MYL4: variants seen among roughly 807,000 people sequenced by gnomAD.
MYL4 encodes the protein atrial myosin light chain 1.
MYL4 carries 16 observed loss-of-function variants against 21.6 expected under a neutral mutation model. The ratio of observed to expected loss-of-function variants is 0.74; its 90% confidence interval spans 0.50 to 1.12. MYL4 has a LOEUF of 1.12. MYL4 is among the 50% of genes most tolerant of loss of function. The pLI is 0.00. For missense variants in MYL4, 249 were observed against 252.9 expected (o/e 0.98, Z 0.11); for synonymous variants, 82 against 95.7 (o/e 0.86, Z 0.83).
At chr17:47,220,554 C>T (rs1219258085) in intron 3 of MYL4, among the ~76,000 whole-genome samples, 1 of 152,218 alleles carries the variant, frequency 6.6e-6, no homozygotes, top group Non-Finnish European at 1.5e-5. Context: ...GCTCTACGTG[C>T]TGCCTCTTTC....
upstream of MYL4, chr17:47,209,251 C>G: frequency 2.4e-6 from 2 of 821,064 alleles, no homozygotes; most frequent in East Asian, 2.5e-5. Flanking sequence ...GGCGTTTCTT[C>G]CTTTTATAGT....
At chr17:47,198,426 G>C (rs1334078383), upstream of MYL4, among the ~76,000 whole-genome samples, 2 of 151,720 alleles carry the variant, frequency 1.3e-5, no homozygotes, top group African/African-American at 4.8e-5. Flanking sequence ...ATAGCATCTG[G>C]AGTGGATGCC....
the MYL4 span, among the ~76,000 whole-genome samples, chr17:47,190,960 A>G: frequency 6.6e-6 from 1 of 152,212 alleles, no homozygotes; most frequent in South Asian, 2.1e-4. Flanking sequence ...TCACATGTCT[A>G]GGGTGTCAGT....
the MYL4 span, among the ~76,000 whole-genome samples, chr17:47,193,268 TTTTG>T: frequency 5.8e-4 from 88 of 151,702 alleles, no homozygotes; most frequent in Non-Finnish European, 8.1e-4. Flanking sequence ...ACTGCTCTGT[TTTTG>T]TTTGTTTGTT....
chr17:47,202,049 G>A (rs893854434), intron 1 of MYL4, among the ~76,000 whole-genome samples: 12 of 152,016 alleles, frequency 7.9e-5, no homozygotes, highest in African/African-American at 2.2e-4. Flanking sequence ...GCAGTGGCTC[G>A]ATCTCGGCTC....
chr17:47,201,104 A>G (rs774082380), intron 1 of MYL4, among the ~76,000 whole-genome samples: 57 of 152,324 alleles, frequency 3.7e-4, no homozygotes, highest in Non-Finnish European at 6.8e-4. Context: ...CTAGGGAGGC[A>G]GAGGTTGCAG....
downstream of MYL4, among the ~76,000 whole-genome samples, chr17:47,226,499 C>T (rs895857895): frequency 6.6e-6 from 1 of 152,202 alleles, no homozygotes; most frequent in Non-Finnish European, 1.5e-5. Context: ...CAGACATGGC[C>T]CCTGTCCTCA....
At chr17:47,209,931 C>A (rs2064761159) in intron 1 of MYL4, among the ~76,000 whole-genome samples, 1 of 152,244 alleles carries the variant, frequency 6.6e-6, no homozygotes. Flanking sequence ...AGTGGGATAT[C>A]TTTATGGAGA....
chr17:47,199,823 C>T (rs1275990958), upstream of MYL4, among the ~76,000 whole-genome samples: 1 of 145,580 alleles, frequency 6.9e-6, no homozygotes, highest in Non-Finnish European at 1.5e-5. Context: ...GCAACCTCTG[C>T]TTCCTGGGTT....
upstream of MYL4, among the ~76,000 whole-genome samples, chr17:47,199,960 C>T (rs775768808): frequency 5.3e-5 from 8 of 150,984 alleles, no homozygotes; most frequent in African/African-American, 9.8e-5. Flanking sequence ...AGGCAGGTCT[C>T]GAATTCCTGG....
intron 2 of MYL4, among the ~76,000 whole-genome samples, chr17:47,219,404 T>C (rs2064837418): frequency 6.6e-6 from 1 of 152,242 alleles, no homozygotes; most frequent in African/African-American, 2.4e-5. Flanking sequence ...TCCTCACTTC[T>C]GGGCCAGTGC....
intron 1 of MYL4, among the ~76,000 whole-genome samples, chr17:47,210,655 C>T (rs967510629): frequency 2.0e-5 from 3 of 152,154 alleles, no homozygotes; most frequent in East Asian, 3.9e-4. Flanking sequence ...TCCCTGCCCT[C>T]TGAGAATTCC....
the MYL4 span, chr17:47,189,513 A>C: frequency 2.6e-6 from 1 of 389,918 alleles, no homozygotes. Context: ...CACGCACACC[A>C]CGCCCAATCG....
chr17:47,218,642 A>C (rs544238355), intron 2 of MYL4, among the ~76,000 whole-genome samples: 1 of 152,136 alleles, frequency 6.6e-6, no homozygotes, highest in South Asian at 2.1e-4. Context: ...AAAATTAGCC[A>C]GGTGTCGTGG....
intron 1 of MYL4, among the ~76,000 whole-genome samples, chr17:47,201,491 T>C (rs939588945): frequency 6.6e-6 from 1 of 152,064 alleles, no homozygotes; most frequent in Non-Finnish European, 1.5e-5. Flanking sequence ...AGTTTTGCTC[T>C]TGTTGCCCAG....
intron 2 of MYL4, among the ~76,000 whole-genome samples, chr17:47,217,184 C>A (rs1016870220): frequency 1.3e-5 from 2 of 151,978 alleles, no homozygotes; most frequent in Non-Finnish European, 2.9e-5. Context: ...TGCCTGGGTG[C>A]GGTGGCTCAT....
chr17:47,190,263 C>T, the MYL4 span, among the ~76,000 whole-genome samples: 6,990 of 152,052 alleles, frequency 0.046, 214 homozygotes, highest in Middle Eastern at 0.11. Context: ...GGCAAATTAC[C>T]TCTCTGAACT....
intron 2 of MYL4, among the ~76,000 whole-genome samples, chr17:47,219,255 CT>C (rs758342321): frequency 2.0e-5 from 3 of 152,242 alleles, no homozygotes; most frequent in Non-Finnish European, 4.4e-5. Context: ...CTTCCACACA[CT>C]GCGACCTCCC....
intron 6 of MYL4, 106 bp downstream of exon 6, chr17:47,223,163 G>C: frequency 8.4e-7 from 1 of 1,196,202 alleles, no homozygotes; most frequent in East Asian, 2.5e-5. Context: ...CCCCTTAAGA[G>C]GAAACCTCTT....
Sources: gnomAD v4.1 joint callset for allele counts (sites outside exome capture counted in the v4.1 genomes callset) on GRCh38, gnomAD v4.1.1 for gene constraint, MANE v1.5 for transcripts, NCBI Gene and HGNC (gene_info 2026-07-23, HGNC 2026-07-21) for gene names.